The following MYT1L variants were observed in gnomAD, a reference collection of about 807,000 sequenced individuals.
The protein encoded by MYT1L is myelin transcription factor 1-like protein.
Under a neutral mutation model 126.7 loss-of-function variants are expected in MYT1L, and 12 were observed. That is an observed-to-expected ratio of 0.09 (90% confidence interval 0.06 to 0.15). The LOEUF (loss-of-function observed/expected upper bound fraction) is 0.15. Among genes scored for constraint, MYT1L ranks in the 10% least tolerant of loss-of-function variants. The probability of loss-of-function intolerance (pLI) is 1.00; values close to 1 mark genes in which losing one functional copy is unlikely to be tolerated. For missense variants in MYT1L, 979 were observed against 1,585.2 expected (o/e 0.62, Z 6.49); for synonymous variants, 541 against 604.2 (o/e 0.90, Z 1.53).
chr2:1,922,868 T>C lies in MYT1L; in HGVS notation c.901A>G (p.Met301Val). The change falls in exon 10 of 25, where the codon ATG becomes GTG. Residue 301 changes from methionine to valine, a missense_variant. Coordinates refer to ENST00000647738, the MANE Select transcript of MYT1L (RefSeq NM_001303052.2). The surrounding 1 kb of genome is among the most constrained non-coding windows in gnomAD (Gnocchi z 7.4). The stretch of plus-strand genomic sequence containing the variant: ...CCGTTGTTCATGGGCTTCCCCAACA[T>C]GACGTAATTCATATTTCTACTGTCT... Reference protein sequence around the residue: ...QQDSRNMNYVMLGKPMNNGLM... With the variant: ...QQDSRNMNYVVLGKPMNNGLM... 1 of 1,614,014 alleles carries C rather than the reference T, an allele frequency of 6.2e-7. No individual in the cohort carries two copies. The highest frequency in any genetic ancestry group is 1.7e-5 in the Admixed American group (1 of 60,022).
chr2:2,164,734 C>T (rs907093095), intron 3 of MYT1L, among the ~76,000 whole-genome samples: 2 of 152,230 alleles, frequency 1.3e-5, no homozygotes, highest in Admixed American at 1.3e-4. Flanking sequence ...AAGACACGTG[C>T]TGTCAACAGA....
At chr2:1,984,963 C>T (rs1431239700) in intron 5 of MYT1L, among the ~76,000 whole-genome samples, 1 of 152,174 alleles carries the variant, frequency 6.6e-6, no homozygotes, top group Non-Finnish European at 1.5e-5. Flanking sequence ...CAGAGACCAG[C>T]AAGGTCCTCC....
chr2:2,026,364 G>T (rs759802143), intron 4 of MYT1L, among the ~76,000 whole-genome samples: 2 of 152,152 alleles, frequency 1.3e-5, no homozygotes, highest in Non-Finnish European at 2.9e-5. Flanking sequence ...TCCCAAGGCC[G>T]TGCCCAGGAG....
intron 8 of MYT1L, among the ~76,000 whole-genome samples, chr2:1,956,279 C>T (rs540160001): frequency 0.065 from 8,656 of 132,272 alleles, 428 homozygotes; most frequent in African/African-American, 0.089. Flanking sequence ...TGTCTATCTA[C>T]CTATCTATCA....
intron 9 of MYT1L, among the ~76,000 whole-genome samples, chr2:1,937,237 G>C (rs1041752979): frequency 1.3e-5 from 2 of 152,192 alleles, no homozygotes; most frequent in Non-Finnish European, 2.9e-5. Context: ...CCTCAGGGCG[G>C]CCTCCATGCC....
intron 23 of MYT1L, among the ~76,000 whole-genome samples, chr2:1,796,120 G>A (rs1415918973): frequency 6.6e-6 from 1 of 152,250 alleles, no homozygotes; most frequent in East Asian, 1.9e-4. Flanking sequence ...GTGACGCTGT[G>A]TTGAAACAGG....
At chr2:2,283,069 C>T (rs1460759453) in intron 2 of MYT1L, among the ~76,000 whole-genome samples, 1 of 152,096 alleles carries the variant, frequency 6.6e-6, no homozygotes, top group African/African-American at 2.4e-5. Context: ...AGCCAGACTC[C>T]ATCCCCCCCA....
intron 21 of MYT1L, among the ~76,000 whole-genome samples, chr2:1,823,004 T>A (rs2038774683): frequency 1.3e-5 from 2 of 152,196 alleles, no homozygotes; most frequent in Admixed American, 6.5e-5. Context: ...CCTGAAGGGA[T>A]ATGTTGATGG....
At chr2:2,327,909 C>A (rs950484513) in intron 1 of MYT1L, among the ~76,000 whole-genome samples, 1 of 151,968 alleles carries the variant, frequency 6.6e-6, no homozygotes, top group Non-Finnish European at 1.5e-5. Flanking sequence ...AACAAGTAAA[C>A]AAAGTCTTTC....
chr2:2,079,968 G>T (rs1263532358), intron 3 of MYT1L, among the ~76,000 whole-genome samples: 1 of 152,152 alleles, frequency 6.6e-6, no homozygotes, highest in Non-Finnish European at 1.5e-5. Flanking sequence ...ACCAGCATAA[G>T]GATAGATACT....
At chr2:2,215,928 C>T (rs539457562) in intron 2 of MYT1L, among the ~76,000 whole-genome samples, 119 of 152,206 alleles carry the variant, frequency 7.8e-4, no homozygotes, top group Non-Finnish European at 1.1e-3. Flanking sequence ...CCTCATGGCA[C>T]GGTACTGTCT....
At chr2:2,226,719 C>A (rs1413376750) in intron 2 of MYT1L, among the ~76,000 whole-genome samples, 1 of 152,150 alleles carries the variant, frequency 6.6e-6, no homozygotes, top group Non-Finnish European at 1.5e-5. Flanking sequence ...GCCCTGAGAC[C>A]CAGCCCAGAG....
At chr2:2,084,526 G>T (rs2076167172) in intron 3 of MYT1L, among the ~76,000 whole-genome samples, 2 of 152,268 alleles carry the variant, frequency 1.3e-5, no homozygotes, top group South Asian at 2.1e-4. Flanking sequence ...GGGCTCCTCA[G>T]CCAGCAGCCA....
chr2:2,109,942 C>T (rs966428167), intron 3 of MYT1L, among the ~76,000 whole-genome samples: 18 of 122,598 alleles, frequency 1.5e-4, no homozygotes, highest in African/African-American at 4.7e-4. Flanking sequence ...AGAATAAATT[C>T]GGAGCTAAGA....
chr2:1,934,727 T>TACACACACAC (rs56320658), intron 9 of MYT1L, among the ~76,000 whole-genome samples: 154 of 138,388 alleles, frequency 1.1e-3, no homozygotes, highest in African/African-American at 3.8e-3. Flanking sequence ...CTCTGTCATG[T>TACACACACAC]ACACACACAC....
chr2:2,285,011 T>C (rs7582226), intron 1 of MYT1L, among the ~76,000 whole-genome samples: 4 of 152,198 alleles, frequency 2.6e-5, no homozygotes, highest in Non-Finnish European at 5.9e-5. Flanking sequence ...CCACTGCGCC[T>C]GGCCAAAGTT....
At chr2:1,933,236 G>A (rs1268789173) in intron 9 of MYT1L, among the ~76,000 whole-genome samples, 2 of 151,372 alleles carry the variant, frequency 1.3e-5, no homozygotes, top group Admixed American at 6.6e-5. Flanking sequence ...CCAGGTGAGA[G>A]CTCAGAGAGC....
At chr2:2,171,366 A>G (rs537767624) in intron 3 of MYT1L, among the ~76,000 whole-genome samples, 6 of 152,212 alleles carry the variant, frequency 3.9e-5, no homozygotes, top group Non-Finnish European at 7.3e-5. Context: ...AACTACATTG[A>G]GCATCCTTAT....
chr2:1,908,562 T>C (rs2051429130), intron 13 of MYT1L, among the ~76,000 whole-genome samples: 1 of 152,270 alleles, frequency 6.6e-6, no homozygotes, highest in Non-Finnish European at 1.5e-5. Context: ...TGAAGAAAAT[T>C]CATAAAAGCC....
Sources: gnomAD v4.1 joint callset for allele counts (sites outside exome capture counted in the v4.1 genomes callset) on GRCh38, gnomAD v4.1.1 for gene constraint, Gnocchi (gnomAD v3.1) non-coding constraint, MANE v1.5 for transcripts, NCBI Gene and HGNC (gene_info 2026-07-23, HGNC 2026-07-21) for gene names.